The following SDK1 variants were observed in gnomAD, a reference collection of about 807,000 sequenced individuals.
The protein encoded by SDK1 is sidekick cell adhesion molecule 1, also known as protein sidekick-1.
SDK1 carries 157 observed loss-of-function variants against 245.5 expected under a neutral mutation model. The observed-to-expected ratio is 0.64, with a 90% CI of 0.56 to 0.73. The LOEUF (loss-of-function observed/expected upper bound fraction) is 0.73, where lower values mean the gene tolerates loss of function less well. Ranked by LOEUF, SDK1 falls within the 30% of genes least tolerant of loss-of-function variation. SDK1 has a pLI of 0.00. For missense variants in SDK1, 3,583 were observed against 3,002.3 expected, an observed-to-expected ratio of 1.19 and a Z score of -4.52; for synonymous variants, 1,647 against 1,278.5, an observed-to-expected ratio of 1.29 and a Z score of -6.15.
At chr7:3,352,375 T>G (rs1780682930) in intron 1 of SDK1, among the ~76,000 whole-genome samples, 1 of 152,038 alleles carries the variant, frequency 6.6e-6, no homozygotes, top group African/African-American at 2.4e-5. Flanking sequence ...AAAGTAATTG[T>G]TTGAGCTAAA....
chr7:3,921,292 A>C (rs536422845), intron 5 of SDK1, among the ~76,000 whole-genome samples: 1 of 152,336 alleles, frequency 6.6e-6, no homozygotes, highest in East Asian at 1.9e-4. Context: ...TGTAGTATTA[A>C]CTATGTTATC....
At chr7:3,499,889 T>G (rs1171311488) in intron 1 of SDK1, among the ~76,000 whole-genome samples, 1 of 152,188 alleles carries the variant, frequency 6.6e-6, no homozygotes, top group Admixed American at 6.5e-5. Context: ...AGTATGTTTG[T>G]AAGTTCACTA....
At chr7:3,544,062 A>G (rs1467517288) in intron 1 of SDK1, among the ~76,000 whole-genome samples, 3 of 152,144 alleles carry the variant, frequency 2.0e-5, no homozygotes, top group Non-Finnish European at 4.4e-5. Context: ...TATTTTCCTC[A>G]TATATCGTTA....
chr7:3,947,017 A>G (rs1202231023), intron 5 of SDK1, among the ~76,000 whole-genome samples: 1 of 152,212 alleles, frequency 6.6e-6, no homozygotes, highest in Admixed American at 6.5e-5. Flanking sequence ...TTTAGACGTT[A>G]CCTATTGACC....
In SDK1 at chr7:4,206,850, G is replaced by A. The variant is rs116198348; in HGVS notation, c.5214+856G>A. On this transcript the variant is annotated intron_variant, in intron 36 of 44. Coordinates refer to ENST00000404826, the MANE Select transcript of SDK1 (RefSeq NM_152744.4). ...AGCCTCCCCTAATGACTATTGGACC[G>A]ATTAAATGTCCATTTAAAGATGGTT... Among the ~76,000 whole-genome samples the A allele has an allele frequency of 9.9e-3, 1,513 of 152,264 alleles. 28 individuals carry two copies. The highest frequency in any genetic ancestry group is 0.035 in the African/African-American group (1,449 of 41,538).
intron 44 of SDK1, among the ~76,000 whole-genome samples, chr7:4,264,739 G>A (rs1406599128): frequency 2.1e-5 from 3 of 144,748 alleles, no homozygotes; most frequent in Non-Finnish European, 4.7e-5. Flanking sequence ...GGAAGGCCGT[G>A]TAGACCTCTC....
intron 19 of SDK1, 72 bp from the exon 20 acceptor site, chr7:4,067,766 C>A (rs1452518903): frequency 9.0e-7 from 1 of 1,117,168 alleles, no homozygotes; most frequent in South Asian, 1.4e-5. Context: ...TAGTTAGAAC[C>A]TTCCCCACAC....
intron 1 of SDK1, among the ~76,000 whole-genome samples, chr7:3,344,170 C>T (rs1429177057): frequency 1.3e-5 from 2 of 152,126 alleles, no homozygotes; most frequent in South Asian, 4.2e-4. Flanking sequence ...TAAATGTCTT[C>T]AGGATTAGAG....
intron 4 of SDK1, among the ~76,000 whole-genome samples, chr7:3,784,993 A>G (rs1206246970): frequency 6.6e-6 from 1 of 152,248 alleles, no homozygotes; most frequent in East Asian, 1.9e-4. Flanking sequence ...AAAACGTGGT[A>G]CTTACACGTA....
chr7:4,038,479 T>C (rs564924940), intron 17 of SDK1, among the ~76,000 whole-genome samples: 6 of 152,338 alleles, frequency 3.9e-5, no homozygotes, highest in South Asian at 2.1e-4. Flanking sequence ...TCAGCACTTA[T>C]CAATCTGCAG....
chr7:4,188,151 G>A (rs532240898), intron 35 of SDK1, among the ~76,000 whole-genome samples: 1 of 152,228 alleles, frequency 6.6e-6, no homozygotes, highest in Admixed American at 6.5e-5. Flanking sequence ...TTCAAGGTGA[G>A]ATTTGGGTGG....
chr7:3,764,913 T>G (rs1780209757), intron 4 of SDK1, among the ~76,000 whole-genome samples: 1 of 152,164 alleles, frequency 6.6e-6, no homozygotes, highest in Non-Finnish European at 1.5e-5. Flanking sequence ...TTACTTTGTT[T>G]TGGAAAGTAT....
chr7:3,771,084 C>G (rs1241014891), intron 4 of SDK1, among the ~76,000 whole-genome samples: 5 of 152,080 alleles, frequency 3.3e-5, no homozygotes, highest in Non-Finnish European at 7.3e-5. Flanking sequence ...GGTGGCTCTG[C>G]TGATCTGGAC....
intron 1 of SDK1, among the ~76,000 whole-genome samples, chr7:3,393,943 A>G (rs1358605604): frequency 3.9e-5 from 6 of 152,238 alleles, no homozygotes; most frequent in African/African-American, 1.2e-4. Flanking sequence ...GGCATTTATT[A>G]TAGTGTTCAT....
At chr7:3,834,962 C>G (rs572373343) in intron 5 of SDK1, among the ~76,000 whole-genome samples, 1 of 152,224 alleles carries the variant, frequency 6.6e-6, no homozygotes, top group African/African-American at 2.4e-5. Context: ...CCTTTTGGCT[C>G]TCCTCGTCCC....
chr7:3,933,156 G>A (rs1213459880), intron 5 of SDK1, among the ~76,000 whole-genome samples: 6 of 136,234 alleles, frequency 4.4e-5, no homozygotes, highest in African/African-American at 1.8e-4. Flanking sequence ...TTTGAGACAG[G>A]CTGGAGTACA....
intron 1 of SDK1, among the ~76,000 whole-genome samples, chr7:3,384,482 C>A (rs1781562232): frequency 6.6e-6 from 1 of 152,176 alleles, no homozygotes. Context: ...TACTCACATA[C>A]TGAAGGATTT....
At chr7:3,821,414 G>A (rs1779642729) in intron 4 of SDK1, 36 bp from the exon 5 acceptor site, 1 of 1,589,398 alleles carries the variant, frequency 6.3e-7, no homozygotes, top group African/African-American at 1.4e-5. Flanking sequence ...GTTCCCTGGA[G>A]TAGCTTTGAC....
chr7:3,413,514 G>A (rs1208785515), intron 1 of SDK1, among the ~76,000 whole-genome samples: 1 of 151,992 alleles, frequency 6.6e-6, no homozygotes, highest in African/African-American at 2.4e-5. Flanking sequence ...GGCCAACATA[G>A]TGAAACTCCG....
Sources: allele counts gnomAD v4.1 joint callset (sites outside exome capture counted in the v4.1 genomes callset), GRCh38; gene constraint gnomAD v4.1.1; transcripts MANE v1.5; gene names NCBI Gene and HGNC (gene_info 2026-07-23, HGNC 2026-07-21).